ACTN3: variants seen among roughly 807,000 people sequenced by gnomAD.
ACTN3 encodes the protein actinin alpha 3, also known as alpha-actinin-3.
In ACTN3, 91 loss-of-function variants were observed where a neutral mutation model predicts 119.6. That is an observed-to-expected ratio of 0.76 (90% CI 0.64 to 0.91). The LOEUF is 0.91. Ranked by LOEUF, ACTN3 falls within the 40% of genes least tolerant of loss-of-function variation. ACTN3 has a pLI of 0.00. For missense variants in ACTN3, 1,221 were observed against 1,215.1 expected (o/e 1.00, Z -0.07); for synonymous variants, 456 against 478.8 (o/e 0.95, Z 0.62).
At chr11:66,553,352 G>A (rs1590805381) in intron 3 of ACTN3, among the ~76,000 whole-genome samples, 1 of 152,116 alleles carries the variant, frequency 6.6e-6, no homozygotes. Context: ...TCGGGAGTTC[G>A]AGACCAGCCA....
Position 66,557,179 on chromosome 11 carries a change from AG to A in ACTN3, c.853del (p.Glu285LysfsTer5), listed in dbSNP as rs1459991398. On this transcript the variant is annotated frameshift_variant, in exon 9 of 21. Transcript: ENST00000513398. LOFTEE classifies it high-confidence loss of function. Reference sequence around the variant, plus strand: ...ATCTGCAAGGTGCTGGCAGTGAACCAGGAAAACGAGAAGCTGATGGAGGAGT... The same window carrying A: ...ATCTGCAAGGTGCTGGCAGTGAACCAGAAAACGAGAAGCTGATGGAGGAGT... ...NRICKVLAVN[Q>X]ENEKLMEEYE... The A allele has an allele frequency of 6.4e-7, 1 of 1,554,048 alleles. No individual in the cohort carries two copies. The highest frequency in any genetic ancestry group is 8.7e-7 in the Non-Finnish European group (1 of 1,148,336).
In ACTN3 at chr11:66,560,045, C is replaced by T. The variant is rs1857709755; in HGVS notation, c.1505C>T (p.Thr502Ile). 6.2e-7 allele frequency: 1 copy of T among 1,603,176 alleles called. No homozygotes were observed. Among genetic ancestry groups the T allele is most frequent in the Non-Finnish European group, 8.5e-7 (1 of 1,176,628 alleles). Residue 502 changes from threonine (T) to isoleucine (I), a missense_variant, in exon 13 of 21, where the codon ACC becomes ATC. This residue lies in a region of ACTN3 where 934 missense variants were observed against 899.9 expected (regional missense o/e 1.04). Transcript: ENST00000513398. ...AICDQWDNLG[T>I]LTQKRRDALE... ...TGCGATCAGTGGGACAACCTGGGCA[C>T]CCTGACCCAGAAGAGGCGGGATGCG...
chr11:66,547,632 C>T (rs1403889394), intron 1 of ACTN3, among the ~76,000 whole-genome samples: 1 of 152,176 alleles, frequency 6.6e-6, no homozygotes, highest in Non-Finnish European at 1.5e-5. Flanking sequence ...GACTGTCAGA[C>T]ATCAGGACCC....
rs1387820110 is a variant in ACTN3 at position 66,546,916 on chromosome 11, C to T, written c.-22C>T. ...GTGTCCGAGAGCGTGCCGAGCGGAG[C>T]GAAGCCAGGAGCCCGATCGAGATGA... is the stretch of plus-strand genomic sequence containing the variant. On this transcript the variant is annotated 5_prime_UTR_variant, in exon 1 of 21. Transcript: ENST00000513398. The T allele has an allele frequency of 1.3e-6, 2 of 1,531,826 alleles. No individual in the cohort carries two copies. The highest frequency in any genetic ancestry group is 8.7e-7 in the Non-Finnish European group (1 of 1,143,040). 94.9% of individuals were successfully genotyped at this position (1,531,826 alleles called of 1,614,324 possible).
At chr11:66,553,866 A>AAAAAAG (rs1565304790) in intron 3 of ACTN3, among the ~76,000 whole-genome samples, 179 bp from the exon 4 acceptor site, 2 of 151,146 alleles carry the variant, frequency 1.3e-5, no homozygotes, top group African/African-American at 4.9e-5. Flanking sequence ...AAAAAAAAAA[A>AAAAAAG]AAAAAGAAAA....
Position 66,557,849 on chromosome 11 carries a change from ATCAACT to A in ACTN3, c.1054_1059del (p.Phe352_Asn353del), listed in dbSNP as rs1287803176. The A allele has an allele frequency of 1.2e-6, 2 of 1,614,030 alleles. No individual in the cohort carries two copies. Among genetic ancestry groups the A allele is most frequent in the Non-Finnish European group, 1.7e-6 (2 of 1,180,030 alleles). On this transcript the variant is annotated inframe_deletion, in exon 10 of 21. Coordinates refer to ENST00000513398, the MANE Select transcript of ACTN3 (RefSeq NM_001104.4). ...CATTCAGGAAAAGTGCCAGCTGGAG[ATCAACT>A]TCAACACACTGCAGACCAAGTTGCG...
intron 1 of ACTN3, among the ~76,000 whole-genome samples, chr11:66,548,801 CAAAAT>C (rs1220272946): frequency 1.3e-5 from 2 of 152,162 alleles, no homozygotes; most frequent in African/African-American, 4.8e-5. Flanking sequence ...CGGCAGCAGA[CAAAAT>C]AAAGCCCCTG....
At chr11:66,555,927 T>C (rs2134928539) in intron 7 of ACTN3, among the ~76,000 whole-genome samples, 1 of 152,198 alleles carries the variant, frequency 6.6e-6, no homozygotes, top group Middle Eastern at 3.4e-3. Flanking sequence ...ACCCACCCAG[T>C]CCCTCACACT....
At chr11:66,546,870 G>A (rs947232017), upstream of ACTN3, 3 of 1,509,346 alleles carry the variant, frequency 2.0e-6, no homozygotes, top group Non-Finnish European at 2.6e-6. Flanking sequence ...GCTGGGCTGG[G>A]CCCTACTTAA....
intron 9 of ACTN3, 96 bp from the exon 10 acceptor site, chr11:66,557,603 C>T: frequency 1.5e-6 from 2 of 1,333,770 alleles, no homozygotes; most frequent in Non-Finnish European, 2.1e-6. Flanking sequence ...CCCCCACCTA[C>T]ACTCTGGCCA....
In ACTN3 at chr11:66,551,220, T is replaced by C. The variant is rs1323710646; in HGVS notation, c.148-19T>C. ...CCCAGAGCCAGTCGTAGGGTTTGAG[T>C]GCTGTCCTCTGCCCCTAGACCTTCA... is the stretch of plus-strand genomic sequence containing the variant. On this transcript the variant is annotated intron_variant, in intron 1 of 20. Transcript: ENST00000513398. 6.3e-7 allele frequency: 1 copy of C among 1,575,516 alleles called. No individual in the cohort carries two copies. Among genetic ancestry groups the C allele is most frequent in the Admixed American group, 1.8e-5 (1 of 56,450 alleles).
intron 11 of ACTN3, 31 bp from the exon 12 acceptor site, chr11:66,559,205 G>A (rs935993828): frequency 3.4e-5 from 49 of 1,460,186 alleles, no homozygotes; most frequent in Non-Finnish European, 4.3e-5. Flanking sequence ...TGCCGCCACT[G>A]GGTGACCGGA....
intron 3 of ACTN3, among the ~76,000 whole-genome samples, chr11:66,553,114 C>G (rs1387682760): frequency 6.6e-6 from 1 of 151,478 alleles, no homozygotes; most frequent in African/African-American, 2.4e-5. Flanking sequence ...ATCAGCTGAG[C>G]ATGGTGGCAT....
At chr11:66,559,082 C>T (rs1857670500) in intron 11 of ACTN3, 154 bp from the exon 12 acceptor site, 2 of 736,002 alleles carry the variant, frequency 2.7e-6, no homozygotes, top group African/African-American at 1.8e-5. Context: ...CTTTCACCTA[C>T]GTTATTACAC....
At chr11:66,557,059 C>T (rs1444732682) in intron 8 of ACTN3, 74 bp from the exon 9 acceptor site, 13 of 1,391,100 alleles carry the variant, frequency 9.3e-6, no homozygotes, top group South Asian at 5.2e-5. Flanking sequence ...CCGCGCTCGG[C>T]GGGGCTCTGG....
At position 66,560,557 on chromosome 11, in the gene ACTN3, T is replaced by C. The variant is rs770381751; in HGVS notation, c.1678-16T>C. On this transcript the variant is annotated splice_polypyrimidine_tract_variant and intron_variant, in intron 14 of 20. Transcript: ENST00000513398. ...GTGGGGGACACCAGCTGACACTTCC[T>C]GCCTGTCGTCCCCAGAGCCTGCTGA... 6.2e-7 allele frequency: 1 copy of C among 1,601,024 alleles called. No homozygotes were observed. The highest frequency in any genetic ancestry group is 8.5e-7 in the Non-Finnish European group (1 of 1,173,726).
At chr11:66,559,557 C>G (rs903994976) in intron 12 of ACTN3, 171 bp downstream of exon 12, 1 of 216,764 alleles carries the variant, frequency 4.6e-6, no homozygotes, top group African/African-American at 2.3e-5. Flanking sequence ...ACCCCACCCC[C>G]ACCTCCGGAC....
rs1377124206 is a variant in ACTN3, at chr11:66,555,223, C to A, written c.636+15C>A. On this transcript the variant is annotated intron_variant, in intron 6 of 20. Coordinates refer to ENST00000513398, the MANE Select transcript of ACTN3 (RefSeq NM_001104.4). ...AACTGCGAAAGGTAGAGGCCCCCAC[C>A]ACCCCAGCCCAAGGCCTCTGCCTGC... 6.2e-7 allele frequency: 1 copy of A among 1,613,902 alleles called. No homozygotes were observed. Among genetic ancestry groups the A allele is most frequent in the Admixed American group, 1.7e-5 (1 of 59,982 alleles).
chr11:66,559,183 C>T, intron 11 of ACTN3, 53 bp from the exon 12 acceptor site: 1 of 1,418,580 alleles, frequency 7.0e-7, no homozygotes, highest in Non-Finnish European at 9.2e-7. Context: ...GCCCGCCGCG[C>T]ACCCCTGCCC....
Sources: gnomAD v4.1 joint callset for allele counts (sites outside exome capture counted in the v4.1 genomes callset) on GRCh38, gnomAD v4.1.1 for gene constraint, gnomAD v4.1.1 regional missense constraint, MANE v1.5 for transcripts, NCBI Gene and HGNC (gene_info 2026-07-23, HGNC 2026-07-21) for gene names.